The following SYT1 variants were observed in gnomAD, a reference collection of about 807,000 sequenced individuals.
SYT1 encodes synaptotagmin-1.
In SYT1, 8 loss-of-function variants were observed where a neutral mutation model predicts 44.8. The ratio of observed to expected loss-of-function variants is 0.18; its 90% confidence interval spans 0.10 to 0.32. The LOEUF (loss-of-function observed/expected upper bound fraction) is 0.32. SYT1 is among the 10% of genes least tolerant of loss of function. SYT1 has a pLI of 1.00. For synonymous variants in SYT1, 154 were observed against 188.8 expected, an observed-to-expected ratio of 0.82 and a Z score of 1.51; for missense variants, 286 against 509.3, an observed-to-expected ratio of 0.56 and a Z score of 4.22.
chr12:79,271,434 T>C (rs1326268847), intron 4 of SYT1, among the ~76,000 whole-genome samples: 2 of 152,170 alleles, frequency 1.3e-5, no homozygotes, highest in African/African-American at 4.8e-5. Flanking sequence ...GCCATGTAGA[T>C]TTCATTTGAA....
At chr12:79,271,121 C>A (rs1158104270) in intron 4 of SYT1, among the ~76,000 whole-genome samples, 1 of 152,100 alleles carries the variant, frequency 6.6e-6, no homozygotes, top group Non-Finnish European at 1.5e-5. Flanking sequence ...CAAAGATTTT[C>A]CTTTTTAAAA....
At chr12:79,423,957 A>T (rs1190127962) in intron 9 of SYT1, among the ~76,000 whole-genome samples, 2 of 150,294 alleles carry the variant, frequency 1.3e-5, no homozygotes, top group African/African-American at 5.0e-5. Flanking sequence ...ACTTGTTGAA[A>T]TAACCAACAA....
chr12:79,357,605 G>C lies in SYT1; in HGVS notation c.928+3986G>C, dbSNP rs545858380. On this transcript the variant is annotated intron_variant, in intron 9 of 10. Transcript: ENST00000261205. ...AAAATACAGTATTATAATCTTATGGGACCACCATTCTATAGGCAGTCCATC... is the reference window on the plus strand; with the variant it reads ...AAAATACAGTATTATAATCTTATGGCACCACCATTCTATAGGCAGTCCATC... Among the ~76,000 whole-genome samples, 37 of 152,218 alleles carry C rather than the reference G, an allele frequency of 2.4e-4. No homozygotes were observed. The East Asian group carries it at 6.2e-3, about 25-fold the overall frequency.
rs563360458 is a variant in SYT1, at chr12:79,083,705, G to T, written c.-18+36343G>T. 3.9e-5 allele frequency among the ~76,000 whole-genome samples: 6 copies of T among 152,084 alleles called. No individual in the cohort carries two copies. The South Asian group carries it at 1.2e-3, about 32-fold the overall frequency. On this transcript the variant is annotated intron_variant, in intron 3 of 10. Transcript: ENST00000261205. ...GTTTATATAGATATCCATATTTTAT[G>T]AAATATAAAATTATGTGGAGATGTA...
intron 2 of SYT1, among the ~76,000 whole-genome samples, chr12:79,025,783 AG>A (rs1226034191): frequency 6.6e-6 from 1 of 151,632 alleles, no homozygotes; most frequent in Non-Finnish European, 1.5e-5. Context: ...CAAGTTATAA[AG>A]CCTGTTTGAC....
chr12:78,883,773 T>C (rs922974876), intron 1 of SYT1, among the ~76,000 whole-genome samples: 1 of 151,696 alleles, frequency 6.6e-6, no homozygotes, highest in Non-Finnish European at 1.5e-5. Flanking sequence ...TCTCTATTTT[T>C]AACCACTTCT....
intron 1 of SYT1, among the ~76,000 whole-genome samples, chr12:78,897,007 C>T (rs1479727260): frequency 6.6e-6 from 1 of 151,764 alleles, no homozygotes; most frequent in Non-Finnish European, 1.5e-5. Context: ...GTTCTTTTGA[C>T]TTAACAAAAT....
intron 8 of SYT1, among the ~76,000 whole-genome samples, chr12:79,343,619 T>G (rs1252928910): frequency 6.6e-6 from 1 of 152,200 alleles, no homozygotes; most frequent in East Asian, 1.9e-4. Flanking sequence ...AAGCATATTT[T>G]AATGTTGAAA....
rs939366913 is a variant in SYT1 at position 78,945,304 on chromosome 12, G to T, written c.-216-32495G>T. On this transcript the variant is annotated intron_variant, in intron 1 of 10. Transcript: ENST00000261205. ...CTGAGCATCTGTGAATGATTAATTG[G>T]ATTTTTAGCCTAAGATATTCTTTCA... is the stretch of plus-strand genomic sequence containing the variant. Among the ~76,000 whole-genome samples the T allele has an allele frequency of 4.0e-5, 6 of 151,704 alleles. No individual in the cohort carries two copies. The South Asian group carries it at 8.4e-4, about 21-fold the overall frequency.
chr12:79,116,386 A>G (rs1879278303), intron 3 of SYT1, among the ~76,000 whole-genome samples: 1 of 152,172 alleles, frequency 6.6e-6, no homozygotes, highest in African/African-American at 2.4e-5. Flanking sequence ...CACAATATTC[A>G]ATGGAGGAAA....
intron 2 of SYT1, among the ~76,000 whole-genome samples, chr12:78,993,020 A>G (rs1344042684): frequency 6.6e-6 from 1 of 152,122 alleles, no homozygotes; most frequent in African/African-American, 2.4e-5. Flanking sequence ...GCTCTTTGGC[A>G]TTTTTTTGTC....
chr12:79,390,218 C>T (rs984061845), intron 9 of SYT1, among the ~76,000 whole-genome samples: 1 of 152,180 alleles, frequency 6.6e-6, no homozygotes, highest in Non-Finnish European at 1.5e-5. Context: ...CAGGCGTGAA[C>T]CACCGCGCCC....
chr12:79,407,249 AT>A (rs1885275151), intron 9 of SYT1, among the ~76,000 whole-genome samples: 2 of 152,104 alleles, frequency 1.3e-5, no homozygotes, highest in Admixed American at 1.3e-4. Flanking sequence ...CACTAATATT[AT>A]TTGAGTGAAA....
intron 1 of SYT1, chr12:78,926,468 G>A (rs1877309535): frequency 6.6e-6 from 1 of 151,946 alleles, no homozygotes; most frequent in Non-Finnish European, 1.5e-5. Context: ...GATAAAATTT[G>A]AATTATTTTC....
chr12:78,874,847 G>T (rs2137041216), intron 1 of SYT1, among the ~76,000 whole-genome samples: 1 of 151,698 alleles, frequency 6.6e-6, no homozygotes, highest in East Asian at 1.9e-4. Flanking sequence ...CCTATAAGAG[G>T]ATATTGGCTG....
At chr12:79,148,601 G>A (rs1226302504) in intron 3 of SYT1, among the ~76,000 whole-genome samples, 2 of 152,022 alleles carry the variant, frequency 1.3e-5, no homozygotes, top group Non-Finnish European at 2.9e-5. Context: ...AATATCATGG[G>A]TCCAAGAATC....
intron 2 of SYT1, among the ~76,000 whole-genome samples, chr12:79,039,827 G>A (rs1452728183): frequency 1.5e-5 from 2 of 133,526 alleles, no homozygotes; most frequent in Admixed American, 8.7e-5. Flanking sequence ...CTGTGTCCAT[G>A]TGATCTCATT....
At chr12:79,019,662 A>T (rs1872054754) in intron 2 of SYT1, among the ~76,000 whole-genome samples, 1 of 151,900 alleles carries the variant, frequency 6.6e-6, no homozygotes, top group Admixed American at 6.6e-5. Context: ...GACTGGGAGG[A>T]GTTAGAAGTG....
chr12:79,073,207 T>G (rs1220109013), intron 3 of SYT1, among the ~76,000 whole-genome samples: 1 of 152,102 alleles, frequency 6.6e-6, no homozygotes, highest in Non-Finnish European at 1.5e-5. Flanking sequence ...ACTCAAGCCA[T>G]CTTCCCACCT....
Sources: gnomAD v4.1 joint callset for allele counts (sites outside exome capture counted in the v4.1 genomes callset) on GRCh38, gnomAD v4.1.1 for gene constraint, MANE v1.5 for transcripts, NCBI Gene and HGNC (gene_info 2026-07-23, HGNC 2026-07-21) for gene names.